Variants in FAM135B observed in about 807,000 individuals in gnomAD.
The protein encoded by FAM135B is protein FAM135B.
In FAM135B, 43 loss-of-function variants were observed where a neutral mutation model predicts 127.7. That is an observed-to-expected ratio of 0.34 (90% CI 0.26 to 0.43). The LOEUF is 0.43. FAM135B is among the 20% of genes least tolerant of loss of function. FAM135B has a pLI of 1.00. For missense variants in FAM135B, 1,558 were observed against 1,725.6 expected, an observed-to-expected ratio of 0.90 and a Z score of 1.72; for synonymous variants, 670 against 665.1, an observed-to-expected ratio of 1.01 and a Z score of -0.11.
chr8:138,427,201 T>C (rs569549666), intron 1 of FAM135B, among the ~76,000 whole-genome samples: 7 of 151,398 alleles, frequency 4.6e-5, no homozygotes, highest in African/African-American at 1.5e-4. Context: ...TTTGGGGGTG[T>C]AGGTGATATT....
chr8:138,325,675 T>G (rs1827756859), intron 2 of FAM135B, among the ~76,000 whole-genome samples: 1 of 152,140 alleles, frequency 6.6e-6, no homozygotes, highest in African/African-American at 2.4e-5. Context: ...GTACATAAAC[T>G]TGGAAGTCTG....
chr8:138,159,099 C>T (rs201374615), intron 12 of FAM135B, among the ~76,000 whole-genome samples: 147 of 148,116 alleles, frequency 9.9e-4, no homozygotes, highest in Non-Finnish European at 1.8e-3. Flanking sequence ...GGTGAAACCC[C>T]GTCTCTACTA....
chr8:138,132,725 T>C lies in FAM135B; in HGVS notation c.4089A>G (p.Arg1363=), dbSNP rs1816306637. The change falls in exon 20 of 20, where the codon CGA becomes CGG. Residue 1363 remains arginine (R), a synonymous_variant. Transcript: ENST00000395297. This position sits in a 1 kb window ranked among gnomAD's most constrained non-coding sequence, Gnocchi z 4.5. ...LVEAKDCTLI[R]HNVFHALPNT... ...TGGGCAGGGCGTGGAACACGTTGTG[T>C]CGGATTAAAGTGCAGTCCTTGGCTT... is the stretch of plus-strand genomic sequence containing the variant. 2 of 1,614,006 alleles carry C rather than the reference T, an allele frequency of 1.2e-6. No individual in the cohort carries two copies. The highest frequency in any genetic ancestry group is 2.2e-5 in the South Asian group (2 of 91,084).
At chr8:138,469,336 T>C (rs1002219567) in intron 1 of FAM135B, among the ~76,000 whole-genome samples, 1 of 152,034 alleles carries the variant, frequency 6.6e-6, no homozygotes, top group African/African-American at 2.4e-5. Context: ...GCATGATTGA[T>C]TAGACCTAGG....
In FAM135B at chr8:138,217,457, G is replaced by T. The variant is rs546292231; in HGVS notation, c.670-19788C>A. ...CTTTTTTTTTTTTTTTTGAGATGGA[G>T]TCTCCCTCTGTGGTCCAGGCTGGAG... On this transcript the variant is annotated intron_variant, in intron 7 of 19. Coordinates refer to ENST00000395297, the MANE Select transcript of FAM135B (RefSeq NM_015912.4). 5.0e-5 allele frequency among the ~76,000 whole-genome samples: 7 copies of T among 140,780 alleles called. No individual in the cohort carries two copies. The East Asian group carries it at 1.4e-3, about 29-fold the overall frequency. The allele number at this position is 140,780 out of a possible 152,430, so 92.4% of individuals were successfully genotyped here. A position where few individuals can be genotyped will look rare whatever the true frequency, so the allele number is the denominator to read the frequency against.
At chr8:138,232,680 T>G (rs1441568723) in intron 7 of FAM135B, among the ~76,000 whole-genome samples, 2 of 152,202 alleles carry the variant, frequency 1.3e-5, no homozygotes, top group Non-Finnish European at 2.9e-5. Context: ...ATTCTTAAAA[T>G]AGTAAAAGTT....
chr8:138,265,646 G>T (rs2130626572), intron 4 of FAM135B, 57 bp downstream of exon 4: 1 of 1,586,600 alleles, frequency 6.3e-7, no homozygotes, highest in South Asian at 1.1e-5. Context: ...AGCAATGAGA[G>T]AGAACAGCCA....
At chr8:138,168,277 C>A (rs1218809943) in intron 11 of FAM135B, among the ~76,000 whole-genome samples, 1 of 152,072 alleles carries the variant, frequency 6.6e-6, no homozygotes, top group Non-Finnish European at 1.5e-5. Context: ...GTAGGATTAG[C>A]AGAAACTTGA....
chr8:138,453,748 C>T (rs1444002024), intron 1 of FAM135B, among the ~76,000 whole-genome samples: 2 of 152,056 alleles, frequency 1.3e-5, no homozygotes, highest in Non-Finnish European at 2.9e-5. Flanking sequence ...AGCCAGGCTG[C>T]CTAGGTTCAA....
At chr8:138,204,025 G>A (rs1321679783) in intron 7 of FAM135B, among the ~76,000 whole-genome samples, 1 of 151,928 alleles carries the variant, frequency 6.6e-6, no homozygotes, top group Non-Finnish European at 1.5e-5. Flanking sequence ...TGTGAGTGAT[G>A]GAGAGTGGCT....
At chr8:138,165,410 G>A (rs1819819860) in intron 12 of FAM135B, among the ~76,000 whole-genome samples, 1 of 151,478 alleles carries the variant, frequency 6.6e-6, no homozygotes, top group Non-Finnish European at 1.5e-5. Flanking sequence ...GTGAGCCACT[G>A]TGACTGGCCA....
At chr8:138,195,164 T>C in intron 9 of FAM135B, 94 bp downstream of exon 9, 1 of 1,244,262 alleles carries the variant, frequency 8.0e-7, no homozygotes, top group Non-Finnish European at 1.2e-6. Context: ...AGTGGTGTCT[T>C]TTCACTTCTG....
chr8:138,314,665 TA>T (rs1297284661), intron 2 of FAM135B, among the ~76,000 whole-genome samples: 4 of 102,144 alleles, frequency 3.9e-5, no homozygotes, highest in Admixed American at 2.0e-4. Context: ...GAGCCCAGGC[TA>T]GGCAATATAT....
chr8:138,455,965 A>G (rs372961951), intron 1 of FAM135B, among the ~76,000 whole-genome samples: 1 of 152,184 alleles, frequency 6.6e-6, no homozygotes, highest in South Asian at 2.1e-4. Flanking sequence ...GTCTTTGTGT[A>G]TGACTTTTCA....
chr8:138,206,460 T>C (rs1352420116), intron 7 of FAM135B, among the ~76,000 whole-genome samples: 2 of 148,856 alleles, frequency 1.3e-5, no homozygotes, highest in South Asian at 2.1e-4. Flanking sequence ...TACACACAAC[T>C]CCAGCATCCC....
At chr8:138,343,230 G>A (rs760588343) in intron 2 of FAM135B, among the ~76,000 whole-genome samples, 1 of 152,224 alleles carries the variant, frequency 6.6e-6, no homozygotes, top group Non-Finnish European at 1.5e-5. Flanking sequence ...TGACCACAGA[G>A]CTGTTCAATG....
chr8:138,291,364 T>G (rs577985728), intron 3 of FAM135B, among the ~76,000 whole-genome samples: 1 of 152,122 alleles, frequency 6.6e-6, no homozygotes, highest in African/African-American at 2.4e-5. Context: ...ACACAAGCAT[T>G]TATACAAGAA....
intron 2 of FAM135B, among the ~76,000 whole-genome samples, chr8:138,345,309 A>T (rs1276460047): frequency 2.0e-5 from 3 of 152,210 alleles, no homozygotes; most frequent in African/African-American, 7.2e-5. Context: ...CTCCTCAAAC[A>T]GGATCAGCCG....
chr8:138,361,880 C>G (rs1224702832), intron 2 of FAM135B, among the ~76,000 whole-genome samples: 1 of 152,130 alleles, frequency 6.6e-6, no homozygotes, highest in Non-Finnish European at 1.5e-5. Context: ...GACTGCATTC[C>G]TCCTTCTCTG....
Sources: allele counts gnomAD v4.1 joint callset (sites outside exome capture counted in the v4.1 genomes callset), GRCh38; gene constraint gnomAD v4.1.1; non-coding constraint Gnocchi (gnomAD v3.1); transcripts MANE v1.5; gene names NCBI Gene and HGNC (gene_info 2026-07-23, HGNC 2026-07-21).